LRRK2: variants seen among roughly 807,000 people sequenced by gnomAD.
LRRK2 encodes leucine rich repeat kinase 2.
LRRK2 carries 203 observed loss-of-function variants against 302.6 expected under a neutral mutation model. The ratio of observed to expected loss-of-function variants is 0.67; its 90% confidence interval spans 0.60 to 0.75. The LOEUF (loss-of-function observed/expected upper bound fraction) is 0.75. Among genes scored for constraint, LRRK2 ranks in the 30% least tolerant of loss-of-function variants. The pLI is 0.00. For synonymous variants in LRRK2, 1,066 were observed against 1,031.9 expected (o/e 1.03, Z -0.63); for missense variants, 2,830 against 2,951.0 (o/e 0.96, Z 0.95).
intron 1 of LRRK2, 87 bp downstream of exon 1, chr12:40,225,369 A>C (rs1940813879): frequency 6.7e-7 from 1 of 1,502,420 alleles, no homozygotes; most frequent in African/African-American, 1.4e-5. Context: ...CCTCCCCTTG[A>C]CCCTGCTCAA....
intron 12 of LRRK2, among the ~76,000 whole-genome samples, 153 bp from the exon 13 acceptor site, chr12:40,259,327 T>C (rs1942667103): frequency 6.6e-6 from 1 of 152,228 alleles, no homozygotes; most frequent in South Asian, 2.1e-4. Flanking sequence ...ATTAAAATTA[T>C]GTATGCTCAT....
chr12:40,274,661 A>G lies in LRRK2; in HGVS notation c.1735A>G (p.Met579Val), dbSNP rs1272594530. Residue 579 changes from methionine to valine, a missense_variant, in exon 15 of 51, where the codon ATG (methionine) becomes GTG (valine). Met to Val is a conservative substitution (Grantham distance 21). Coordinates refer to ENST00000298910, the MANE Select transcript of LRRK2 (RefSeq NM_198578.4). ...SIVHFPDALE[M>V]LSLEGAMDSV... ...TGTACATTTTCCTGATGCATTAGAGATGTTATCCCTGGAAGGTGCTATGGA... is the reference window on the plus strand; with the variant it reads ...TGTACATTTTCCTGATGCATTAGAGGTGTTATCCCTGGAAGGTGCTATGGA... 4.8e-5 allele frequency: 77 copies of G among 1,613,948 alleles called. No homozygotes were observed. The highest frequency in any genetic ancestry group is 6.3e-5 in the Non-Finnish European group (74 of 1,179,888).
At chr12:40,283,043 T>TA (rs1943772592) in intron 18 of LRRK2, among the ~76,000 whole-genome samples, 2 of 148,160 alleles carry the variant, frequency 1.3e-5, no homozygotes, top group African/African-American at 5.2e-5. Context: ...TAGGATTTTT[T>TA]TAAAAAAAAG....
intron 40 of LRRK2, among the ~76,000 whole-genome samples, chr12:40,336,813 C>T (rs1424779449): frequency 2.6e-5 from 4 of 152,158 alleles, no homozygotes; most frequent in Non-Finnish European, 5.9e-5. Flanking sequence ...GAATAGTCTC[C>T]TGTATTTCAG....
chr12:40,260,343 G>A (rs531290274), intron 13 of LRRK2, among the ~76,000 whole-genome samples: 6 of 151,772 alleles, frequency 4.0e-5, no homozygotes, highest in East Asian at 1.9e-4. Flanking sequence ...TGAGAATATC[G>A]ATGGAGGCAC....
At chr12:40,332,188 A>G (rs1235552615) in intron 39 of LRRK2, among the ~76,000 whole-genome samples, 1 of 152,184 alleles carries the variant, frequency 6.6e-6, no homozygotes, top group African/African-American at 2.4e-5. Flanking sequence ...GTTACTTAGA[A>G]TATTCCCACC....
chr12:40,363,566 G>A lies in LRRK2; in HGVS notation c.7181+12G>A, dbSNP rs775244258. 4 of 1,609,772 alleles carry A rather than the reference G, an allele frequency of 2.5e-6. No individual in the cohort carries two copies. The highest frequency in any genetic ancestry group is 3.4e-5 in the Admixed American group (2 of 59,694). Reference sequence around the variant, plus strand: ...GTGCACTTTTTAAGGTAAATTCTGTGGTTTTTAATTTTATTCCCAAAAGAA... The same window carrying A: ...GTGCACTTTTTAAGGTAAATTCTGTAGTTTTTAATTTTATTCCCAAAAGAA... On this transcript the variant is annotated intron_variant, in intron 48 of 50. Coordinates refer to ENST00000298910, the MANE Select transcript of LRRK2 (RefSeq NM_198578.4).
At chr12:40,333,728 G>C (rs940400587) in intron 39 of LRRK2, among the ~76,000 whole-genome samples, 1 of 152,100 alleles carries the variant, frequency 6.6e-6, no homozygotes, top group African/African-American at 2.4e-5. Flanking sequence ...GCCTTAGTAA[G>C]GGTGGCCCAT....
At chr12:40,266,287 A>T (rs1003949108) in intron 14 of LRRK2, among the ~76,000 whole-genome samples, 4 of 152,166 alleles carry the variant, frequency 2.6e-5, no homozygotes, top group African/African-American at 9.7e-5. Flanking sequence ...ATCTACAATG[A>T]ACTCCAACAA....
intron 29 of LRRK2, 104 bp from the exon 30 acceptor site, chr12:40,309,002 A>G: frequency 8.0e-7 from 1 of 1,250,714 alleles, no homozygotes; most frequent in Non-Finnish European, 1.1e-6. Context: ...TCTTATTAGT[A>G]TGCTAAATAA....
intron 43 of LRRK2, among the ~76,000 whole-genome samples, chr12:40,350,962 G>C (rs147396738): frequency 7.2e-4 from 110 of 152,212 alleles, no homozygotes; most frequent in Middle Eastern, 3.4e-3. Context: ...TATGAAATGA[G>C]GCACAGACAG....
rs188021010 is a variant in LRRK2 at position 40,283,458 on chromosome 12, C to G, written c.2242-417C>G. Among the ~76,000 whole-genome samples the G allele has an allele frequency of 5.3e-5, 8 of 152,294 alleles. No individual in the cohort carries two copies. The East Asian group carries it at 1.3e-3, about 26-fold the overall frequency. On this transcript the variant is annotated intron_variant, in intron 18 of 50. Transcript: ENST00000298910. ...ATAGCTATGTCCCCATTTAGTTATT[C>G]TATGTCACAAATAAAGGCAGGACAG...
Position 40,322,151 on chromosome 12 carries a change from T to A in LRRK2, c.5287T>A (p.Leu1763Ile). The A allele has an allele frequency of 6.2e-7, 1 of 1,612,830 alleles. No homozygotes were observed. Among genetic ancestry groups the A allele is most frequent in the Non-Finnish European group, 8.5e-7 (1 of 1,179,222 alleles). Residue 1763 changes from leucine (L) to isoleucine (I), a missense_variant, in exon 36 of 51, where the codon TTA (leucine) becomes ATA (isoleucine). Leu to Ile is a conservative substitution (Grantham distance 5). Transcript: ENST00000298910. ...EVLDNHPESF[L>I]KITVPSCRKG... The stretch of plus-strand genomic sequence containing the variant: ...CTTAGACAATCATCCAGAGAGTTTC[T>A]TAAAAATTACAGTTCCTTCTTGTAG...
chr12:40,244,471 C>G (rs1366672511), intron 7 of LRRK2, among the ~76,000 whole-genome samples: 3 of 151,888 alleles, frequency 2.0e-5, no homozygotes, highest in African/African-American at 4.8e-5. Context: ...AAACAGATAA[C>G]TGAAAAAGAA....
chr12:40,264,582 G>T (rs1047881389), intron 14 of LRRK2, among the ~76,000 whole-genome samples: 4 of 152,234 alleles, frequency 2.6e-5, no homozygotes, highest in Admixed American at 2.0e-4. Context: ...TCACACCACT[G>T]CACTCCAGCT....
intron 12 of LRRK2, among the ~76,000 whole-genome samples, chr12:40,258,558 G>C (rs932823150): frequency 6.6e-6 from 1 of 152,176 alleles, no homozygotes; most frequent in African/African-American, 2.4e-5. Flanking sequence ...AATGTGTACA[G>C]TTGCAGCCCT....
chr12:40,248,380 A>G (rs985059617), intron 7 of LRRK2, among the ~76,000 whole-genome samples: 10 of 152,222 alleles, frequency 6.6e-5, no homozygotes, highest in African/African-American at 2.4e-4. Context: ...TAAATAAAAC[A>G]TGGCAACTGT....
At chr12:40,298,535 T>A in intron 24 of LRRK2, 42 bp downstream of exon 24, 1 of 1,610,218 alleles carries the variant, frequency 6.2e-7, no homozygotes. Context: ...TGCCTAAATA[T>A]GCTGATGTTA....
In LRRK2 at chr12:40,293,578, C is replaced by T. The variant is rs1477643098; in HGVS notation, c.2723C>T (p.Ser908Phe). Reference sequence around the variant, plus strand: ...GGCTCATTTCTTGTGAAAAAGAAATCTAATTCAATTAGTGTAGGAGAATTT... The same window carrying T: ...GGCTCATTTCTTGTGAAAAAGAAATTTAATTCAATTAGTGTAGGAGAATTT... ...SEGSFLVKKKSNSISVGEFYR... is the reference protein window; with the variant it reads ...SEGSFLVKKKFNSISVGEFYR... The change falls in exon 21 of 51, where the codon TCT becomes TTT. Residue 908 changes from serine to phenylalanine, a missense_variant. Around this residue, in one of 3 missense-constraint regions of LRRK2, gnomAD observed 2,121 missense variants for 2,148.0 expected, o/e 0.99. Coordinates refer to ENST00000298910, the MANE Select transcript of LRRK2 (RefSeq NM_198578.4). 2 of 1,610,346 alleles carry T rather than the reference C, an allele frequency of 1.2e-6. No homozygotes were observed. The highest frequency in any genetic ancestry group is 2.2e-5 in the East Asian group (1 of 44,736).
Sources: allele counts gnomAD v4.1 joint callset (sites outside exome capture counted in the v4.1 genomes callset), GRCh38; gene constraint gnomAD v4.1.1; regional missense constraint gnomAD v4.1.1; transcripts MANE v1.5; gene names NCBI Gene and HGNC (gene_info 2026-07-23, HGNC 2026-07-21).